The following KIAA1217 variants were observed in gnomAD, a reference collection of about 807,000 sequenced individuals.
KIAA1217 encodes sickle tail protein homolog.
In KIAA1217, 88 loss-of-function variants were observed where a neutral mutation model predicts 163.9. The observed-to-expected ratio is 0.54, with a 90% CI of 0.45 to 0.64. KIAA1217 has a LOEUF of 0.64. KIAA1217 is among the 30% of genes least tolerant of loss of function. The pLI, the probability that KIAA1217 is intolerant of heterozygous loss-of-function variation, is 0.00. For synonymous variants in KIAA1217, 903 were observed against 923.1 expected, an observed-to-expected ratio of 0.98 and a Z score of 0.39; for missense variants, 2,372 against 2,475.0, an observed-to-expected ratio of 0.96 and a Z score of 0.88.
chr10:24,470,141 C>G (rs1008523965), intron 5 of KIAA1217, among the ~76,000 whole-genome samples: 1 of 152,124 alleles, frequency 6.6e-6, no homozygotes, highest in Non-Finnish European at 1.5e-5. Context: ...CTGAGCCAGT[C>G]CCTCCTGTAT....
chr10:23,743,457 G>A (rs989002835), intron 1 of KIAA1217, among the ~76,000 whole-genome samples: 4 of 152,244 alleles, frequency 2.6e-5, no homozygotes, highest in Admixed American at 2.6e-4. Context: ...AAAATTCCCA[G>A]CAAGAGGGGA....
At chr10:24,489,067 CA>C (rs970028984) in intron 6 of KIAA1217, among the ~76,000 whole-genome samples, 15 of 152,002 alleles carry the variant, frequency 9.9e-5, no homozygotes, top group Admixed American at 3.3e-4. Context: ...AGCAGGAATA[CA>C]AAGAAAAAAA....
intron 1 of KIAA1217, among the ~76,000 whole-genome samples, chr10:23,908,373 T>C (rs999909177): frequency 2.0e-5 from 3 of 152,094 alleles, no homozygotes; most frequent in African/African-American, 7.2e-5. Context: ...TCAGAACTGG[T>C]GCTCTCAATC....
intron 2 of KIAA1217, among the ~76,000 whole-genome samples, chr10:24,128,076 C>T (rs1007568716): frequency 6.6e-6 from 1 of 152,204 alleles, no homozygotes; most frequent in African/African-American, 2.4e-5. Context: ...TAAAATCCAT[C>T]CTTTGCTGAA....
intron 2 of KIAA1217, among the ~76,000 whole-genome samples, chr10:24,232,205 C>T (rs2071507389): frequency 6.6e-6 from 1 of 152,190 alleles, no homozygotes; most frequent in Non-Finnish European, 1.5e-5. Context: ...ATTGAAAAGA[C>T]TAAATTCAGG....
chr10:24,056,789 A>C (rs2060547335), intron 2 of KIAA1217, among the ~76,000 whole-genome samples: 1 of 152,232 alleles, frequency 6.6e-6, no homozygotes, highest in African/African-American at 2.4e-5. Context: ...CCAATATTAG[A>C]ACTATCAGAT....
Position 24,495,953 on chromosome 10 carries a change from A to C in KIAA1217, c.1834+757A>C, listed in dbSNP as rs139259872. On this transcript the variant is annotated intron_variant, in intron 8 of 20. Coordinates refer to ENST00000376454, the MANE Select transcript of KIAA1217 (RefSeq NM_019590.5). ...CGTTCACTAGTATCCAGGTCTTTGCAATGAATGTCTCATCCAGCAGTCTCA... is the reference window on the plus strand; with the variant it reads ...CGTTCACTAGTATCCAGGTCTTTGCCATGAATGTCTCATCCAGCAGTCTCA... Among the ~76,000 whole-genome samples the C allele has an allele frequency of 2.0e-3, 308 of 152,382 alleles. 3 individuals carry two copies. The highest frequency in any genetic ancestry group is 0.01 in the Middle Eastern group (3 of 294).
chr10:24,296,931 A>G lies in KIAA1217; in HGVS notation c.354+77022A>G, dbSNP rs552641340. On this transcript the variant is annotated intron_variant, in intron 2 of 20. Transcript: ENST00000376454. Reference sequence around the variant, plus strand: ...CTTCAGGACCAAGTACGTGGCAACTACAGGAGGATGGTCTCTGTCGCTGTC... The same window carrying G: ...CTTCAGGACCAAGTACGTGGCAACTGCAGGAGGATGGTCTCTGTCGCTGTC... 1.9e-4 allele frequency among the ~76,000 whole-genome samples: 29 copies of G among 152,352 alleles called. No individual in the cohort carries two copies. The East Asian group carries it at 4.1e-3, about 21-fold the overall frequency.
At chr10:23,989,294 A>T (rs572158682) in intron 1 of KIAA1217, among the ~76,000 whole-genome samples, 41 of 152,354 alleles carry the variant, frequency 2.7e-4, no homozygotes, top group Non-Finnish European at 4.9e-4. Flanking sequence ...AAGCACACAA[A>T]TGTATTTAAT....
At chr10:24,302,584 CAG>C (rs2041497285) in intron 2 of KIAA1217, among the ~76,000 whole-genome samples, 1 of 151,980 alleles carries the variant, frequency 6.6e-6, no homozygotes, top group African/African-American at 2.4e-5. Flanking sequence ...TCTGGAAAAA[CAG>C]GGAACACACA....
chr10:24,511,208 A>G (rs189372458), intron 9 of KIAA1217, among the ~76,000 whole-genome samples: 1 of 147,388 alleles, frequency 6.8e-6, no homozygotes, highest in Non-Finnish European at 1.5e-5. Flanking sequence ...GAAATGATGT[A>G]TGGCTTGAGC....
rs148634469 is a variant in KIAA1217 at position 23,719,680 on chromosome 10, A to G, written c.-321+24446A>G. Among the ~76,000 whole-genome samples the G allele has an allele frequency of 2.9e-3, 449 of 152,272 alleles. 2 individuals are homozygous for G. The highest frequency in any genetic ancestry group is 1.0e-2 in the African/African-American group (414 of 41,546). On this transcript the variant is annotated intron_variant, in intron 1 of 18. Transcript: ENST00000376462. ...ACACCTGTAATCCCAGCACTTTGGG[A>G]GGCCAAGGCAGGCGGATCACAATGT...
intron 6 of KIAA1217, chr10:24,481,398 T>C (rs376754672): frequency 6.6e-6 from 1 of 152,334 alleles, no homozygotes; most frequent in East Asian, 1.9e-4. Context: ...CCAGGGATGC[T>C]CTTCTTGTCA....
chr10:24,077,389 T>C (rs2061402126), intron 2 of KIAA1217, among the ~76,000 whole-genome samples: 1 of 152,190 alleles, frequency 6.6e-6, no homozygotes, highest in South Asian at 2.1e-4. Flanking sequence ...CTACCGTGTG[T>C]TCTCATCATT....
At chr10:24,386,512 A>G (rs1312414968) in intron 3 of KIAA1217, among the ~76,000 whole-genome samples, 3 of 152,222 alleles carry the variant, frequency 2.0e-5, no homozygotes, top group Non-Finnish European at 4.4e-5. Flanking sequence ...GACTAATGTG[A>G]GACTGTCTGA....
At chr10:24,408,420 G>T (rs2057435987) in intron 3 of KIAA1217, among the ~76,000 whole-genome samples, 1 of 152,054 alleles carries the variant, frequency 6.6e-6, no homozygotes, top group Non-Finnish European at 1.5e-5. Flanking sequence ...CACCTAACTG[G>T]TTCCCCTCTT....
intron 2 of KIAA1217, among the ~76,000 whole-genome samples, chr10:24,221,573 T>C (rs909883071): frequency 3.3e-5 from 5 of 152,236 alleles, no homozygotes; most frequent in African/African-American, 1.2e-4. Flanking sequence ...AAATTCAATC[T>C]TCTCTTCTAG....
intron 6 of KIAA1217, chr10:24,482,593 T>C (rs1173499566): frequency 1.3e-5 from 2 of 152,208 alleles, no homozygotes; most frequent in Non-Finnish European, 2.9e-5. Context: ...TGTCCTTCTG[T>C]CTGGCGGAAA....
chr10:24,069,008 C>T (rs578021787), intron 2 of KIAA1217, among the ~76,000 whole-genome samples: 2 of 152,296 alleles, frequency 1.3e-5, no homozygotes, highest in African/African-American at 4.8e-5. Flanking sequence ...AGGCAACCCT[C>T]AGAAAAGTTG....
Sources: gnomAD v4.1 joint callset for allele counts (sites outside exome capture counted in the v4.1 genomes callset) on GRCh38, gnomAD v4.1.1 for gene constraint, MANE v1.5 for transcripts, NCBI Gene and HGNC (gene_info 2026-07-23, HGNC 2026-07-21) for gene names.